AP2M1: variants seen among roughly 807,000 people sequenced by gnomAD.
AP2M1 encodes the protein AP-2 complex subunit mu.
In AP2M1, 5 loss-of-function variants were observed where a neutral mutation model predicts 54.5. That is an observed-to-expected ratio of 0.09 (90% confidence interval 0.05 to 0.19). The LOEUF is 0.19. Ranked by LOEUF, AP2M1 falls within the 10% of genes least tolerant of loss-of-function variation. AP2M1 has a pLI of 1.00. For synonymous variants in AP2M1, 186 were observed against 208.2 expected, an observed-to-expected ratio of 0.89 and a Z score of 0.92; for missense variants, 178 against 580.2, an observed-to-expected ratio of 0.31 and a Z score of 7.12.
At position 184,181,550 on chromosome 3, in the gene AP2M1, A is replaced by G; in HGVS notation, c.708-146A>G. 1 of 1,178,380 alleles carries G rather than the reference A, an allele frequency of 8.5e-7. No homozygotes were observed. Among genetic ancestry groups the G allele is most frequent in the Non-Finnish European group, 1.2e-6 (1 of 840,652 alleles). The allele number at this position is 1,178,380 out of a possible 1,614,324, so 73.0% of individuals were successfully genotyped here. A position where few individuals can be genotyped will look rare whatever the true frequency, so the allele number is the denominator to read the frequency against. ...GCTTGCAAGGCTTCCCTCTCATCCC[A>G]AGCTCTGGGGCAGACCTCCGAGTCA... is the stretch of plus-strand genomic sequence containing the variant. On this transcript the variant is annotated intron_variant, in intron 7 of 11. Coordinates refer to ENST00000292807, the MANE Select transcript of AP2M1 (RefSeq NM_004068.4). The surrounding 1 kb of genome is among the most constrained non-coding windows in gnomAD (Gnocchi z 5.7).
rs540700721 is a variant in AP2M1 at position 184,175,957 on chromosome 3, T to A, written c.-43-994T>A. Among the ~76,000 whole-genome samples the A allele has an allele frequency of 8.5e-5, 13 of 152,302 alleles. No individual in the cohort carries two copies. The East Asian group carries it at 2.5e-3, about 29-fold the overall frequency. ...AGTTTAGAAAAGTCCTCTAAAGTACTCCCTGTGAAATTAATACCAGGGCTA... is the reference window on the plus strand; with the variant it reads ...AGTTTAGAAAAGTCCTCTAAAGTACACCCTGTGAAATTAATACCAGGGCTA... On this transcript the variant is annotated intron_variant, in intron 1 of 11. Transcript: ENST00000292807.
chr3:184,179,230 T>C (rs1715189795), intron 3 of AP2M1, 108 bp downstream of exon 3: 5 of 1,390,178 alleles, frequency 3.6e-6, no homozygotes, highest in Admixed American at 2.1e-5. Context: ...CTCTGAACTT[T>C]CTTTCCTGAG....
At chr3:184,176,889 T>C in intron 1 of AP2M1, 62 bp from the exon 2 acceptor site, 4 of 1,215,338 alleles carry the variant, frequency 3.3e-6, no homozygotes, top group Non-Finnish European at 4.6e-6. Flanking sequence ...CCTGCACAGC[T>C]CCACAGGGGA....
In AP2M1 at chr3:184,178,158, T is replaced by C. The variant is rs574140827; in HGVS notation, c.75-699T>C. ...TGTGTCTAACCCTCTCTCTCGTTGCTATCACTCTCCTCTTCTTGCTGGCGT... is the reference window on the plus strand; with the variant it reads ...TGTGTCTAACCCTCTCTCTCGTTGCCATCACTCTCCTCTTCTTGCTGGCGT... On this transcript the variant is annotated intron_variant, in intron 2 of 11. Coordinates refer to ENST00000292807, the MANE Select transcript of AP2M1 (RefSeq NM_004068.4). The surrounding 1 kb of genome is among the most constrained non-coding windows in gnomAD (Gnocchi z 4.9). The C allele has an allele frequency of 1.3e-6, 2 of 1,515,402 alleles. No individual in the cohort carries two copies. The highest frequency in any genetic ancestry group is 2.8e-5 in the African/African-American group (2 of 72,640). 93.9% of individuals were successfully genotyped at this position (1,515,402 alleles called of 1,614,324 possible).
At position 184,181,617 on chromosome 3, in the gene AP2M1, G is replaced by A. The variant is rs1577060034; in HGVS notation, c.708-79G>A. Reference sequence around the variant, plus strand: ...CAGCTTTTCATAGTCTCTGGTGCCAGCCTGGGGTGGAGTGGTCTCCCAGCA... The same window carrying A: ...CAGCTTTTCATAGTCTCTGGTGCCAACCTGGGGTGGAGTGGTCTCCCAGCA... On this transcript the variant is annotated intron_variant, in intron 7 of 11. Coordinates refer to ENST00000292807, the MANE Select transcript of AP2M1 (RefSeq NM_004068.4). This position sits in a 1 kb window ranked among gnomAD's most constrained non-coding sequence, Gnocchi z 5.7. 2 of 1,562,416 alleles carry A rather than the reference G, an allele frequency of 1.3e-6. No homozygotes were observed. Among genetic ancestry groups the A allele is most frequent in the South Asian group, 2.2e-5 (2 of 89,522 alleles).
rs745404704 is a variant in AP2M1 at position 184,183,698 on chromosome 3, G to C, written c.*82G>C. On this transcript the variant is annotated 3_prime_UTR_variant, in exon 12 of 12. Coordinates refer to ENST00000292807, the MANE Select transcript of AP2M1 (RefSeq NM_004068.4). The surrounding 1 kb of genome is among the most constrained non-coding windows in gnomAD (Gnocchi z 5.7). ...CCGCTCCCTCCCCCACCACACATCAGTGTCTCCTCCCTCCTGCTTTGCTGC... is the reference window on the plus strand; with the variant it reads ...CCGCTCCCTCCCCCACCACACATCACTGTCTCCTCCCTCCTGCTTTGCTGC... 45 of 1,479,832 alleles carry C rather than the reference G, an allele frequency of 3.0e-5. No homozygotes were observed. Among genetic ancestry groups the C allele is most frequent in the Non-Finnish European group, 4.2e-5 (45 of 1,079,006 alleles). The allele number at this position is 1,479,832 out of a possible 1,614,324, so 91.7% of individuals were successfully genotyped here.
In AP2M1 at chr3:184,178,464, G is replaced by A. The variant is rs1715161362; in HGVS notation, c.75-393G>A. 6.6e-6 allele frequency among the ~76,000 whole-genome samples: 1 copy of A among 152,224 alleles called. No homozygotes were observed. The stretch of plus-strand genomic sequence containing the variant: ...CCACTGGTGGGATCACTAGCGGGAG[G>A]ACTGAAGAAGCAGTGTCTCTTTCTG... On this transcript the variant is annotated intron_variant, in intron 2 of 11. Transcript: ENST00000292807. This position sits in a 1 kb window ranked among gnomAD's most constrained non-coding sequence, Gnocchi z 4.9.
In AP2M1 at chr3:184,182,647, G is replaced by C; in HGVS notation, c.1062-110G>C. 1.1e-6 allele frequency: 1 copy of C among 876,808 alleles called. No homozygotes were observed. The highest frequency in any genetic ancestry group is 1.6e-5 in the South Asian group (1 of 61,660). The allele number at this position is 876,808 out of a possible 1,614,324, so 54.3% of individuals were successfully genotyped here. On this transcript the variant is annotated intron_variant, in intron 10 of 11. Transcript: ENST00000292807. This position sits in a 1 kb window ranked among gnomAD's most constrained non-coding sequence, Gnocchi z 5.5. ...AGCAGGGTCCTGACCACTTCTCCTT[G>C]TTCTGGCACCTCCTGCAAGCTCCTG...
Position 184,178,134 on chromosome 3 carries a change from G to A in AP2M1, c.75-723G>A, listed in dbSNP as rs1337760174. ...GTGTGCCGCCCTCCCGGTGTGTTGT[G>A]TGTCTAACCCTCTCTCTCGTTGCTA... On this transcript the variant is annotated intron_variant, in intron 2 of 11. Coordinates refer to ENST00000292807, the MANE Select transcript of AP2M1 (RefSeq NM_004068.4). The surrounding 1 kb of genome is among the most constrained non-coding windows in gnomAD (Gnocchi z 4.9). 5 of 1,457,026 alleles carry A rather than the reference G, an allele frequency of 3.4e-6. No individual in the cohort carries two copies. The African/African-American group carries it at 5.6e-5, about 16-fold the overall frequency. The allele number at this position is 1,457,026 out of a possible 1,614,324, so 90.3% of individuals were successfully genotyped here.
intron 1 of AP2M1, chr3:184,175,176 G>A (rs930723433): frequency 2.0e-5 from 8 of 392,718 alleles, no homozygotes; most frequent in Non-Finnish European, 3.6e-5. Flanking sequence ...CACCTGACCC[G>A]CCTGGCGCCT....
Position 184,183,420 on chromosome 3 carries a change from C to G in AP2M1, c.1174-62C>G, listed in dbSNP as rs1715338626. 2 of 1,601,816 alleles carry G rather than the reference C, an allele frequency of 1.2e-6. No individual in the cohort carries two copies. Among genetic ancestry groups the G allele is most frequent in the African/African-American group, 2.7e-5 (2 of 74,544 alleles). ...GATGAAGTAGGGCAGGGCAACGGGA[C>G]TTCCCAGAGGAGAGCGGCTGTAAGA... On this transcript the variant is annotated intron_variant, in intron 11 of 11. Coordinates refer to ENST00000292807, the MANE Select transcript of AP2M1 (RefSeq NM_004068.4). This position sits in a 1 kb window ranked among gnomAD's most constrained non-coding sequence, Gnocchi z 5.7.
Position 184,176,941 on chromosome 3 carries a change from C to G in AP2M1, c.-43-10C>G. Reference sequence around the variant, plus strand: ...GAGGTCTTCTTTTACCCTGCCCCCGCCTGTCCTAGGTCTGTTCTCAGAGCG... The same window carrying G: ...GAGGTCTTCTTTTACCCTGCCCCCGGCTGTCCTAGGTCTGTTCTCAGAGCG... On this transcript the variant is annotated splice_polypyrimidine_tract_variant and intron_variant, in intron 1 of 11. Coordinates refer to ENST00000292807, the MANE Select transcript of AP2M1 (RefSeq NM_004068.4). The G allele has an allele frequency of 6.3e-7, 1 of 1,589,292 alleles. No homozygotes were observed. Among genetic ancestry groups the G allele is most frequent in the Non-Finnish European group, 8.6e-7 (1 of 1,163,248 alleles).
At position 184,177,794 on chromosome 3, in the gene AP2M1, A is replaced by G. The variant is rs562940330; in HGVS notation, c.74+727A>G. On this transcript the variant is annotated intron_variant, in intron 2 of 11. Coordinates refer to ENST00000292807, the MANE Select transcript of AP2M1 (RefSeq NM_004068.4). ...GACCTATCCTAGCCTCCGAGGCGCT[A>G]AAGAGTAGGCTCCTCTGGTTCCTGC... The G allele has an allele frequency of 4.8e-6, 3 of 618,712 alleles. No individual in the cohort carries two copies. The East Asian group carries it at 8.3e-5, about 17-fold the overall frequency. 38.3% of individuals were successfully genotyped at this position (618,712 alleles called of 1,614,324 possible). A position where few individuals can be genotyped will look rare whatever the true frequency, so the allele number is the denominator to read the frequency against.
Position 184,183,753 on chromosome 3 carries a change from C to A in AP2M1, c.*137C>A. On this transcript the variant is annotated 3_prime_UTR_variant, in exon 12 of 12. Transcript: ENST00000292807. The surrounding 1 kb of genome is among the most constrained non-coding windows in gnomAD (Gnocchi z 5.7). ...CCTTTGCACCAGCCCGAGTCTAGGT[C>A]TGGGCCAAGCACATTACAAGTGGGA... 1 of 1,067,268 alleles carries A rather than the reference C, an allele frequency of 9.4e-7. No homozygotes were observed. Among genetic ancestry groups the A allele is most frequent in the Non-Finnish European group, 1.3e-6 (1 of 748,970 alleles). 66.1% of individuals were successfully genotyped at this position (1,067,268 alleles called of 1,614,324 possible).
In AP2M1 at chr3:184,178,614, A is replaced by G. The variant is rs1715166321; in HGVS notation, c.75-243A>G. ...CTTTATTAAGGTTACATCAGCCTTA[A>G]TAGTTGACTTCCCTATTTCTTGTGG... On this transcript the variant is annotated intron_variant, in intron 2 of 11. Coordinates refer to ENST00000292807, the MANE Select transcript of AP2M1 (RefSeq NM_004068.4). The surrounding 1 kb of genome is among the most constrained non-coding windows in gnomAD (Gnocchi z 4.9). 6.6e-6 allele frequency among the ~76,000 whole-genome samples: 1 copy of G among 152,230 alleles called. No homozygotes were observed. Among genetic ancestry groups the G allele is most frequent in the African/African-American group, 2.4e-5 (1 of 41,456 alleles).
rs200480410 is a variant in AP2M1, at chr3:184,179,422, G to A, written c.340+300G>A. 5.3e-4 allele frequency: 201 copies of A among 382,212 alleles called. 1 individual carries two copies. Among genetic ancestry groups the A allele is most frequent in the Non-Finnish European group, 8.3e-4 (170 of 205,886 alleles). 23.7% of individuals were successfully genotyped at this position (382,212 alleles called of 1,614,324 possible). Reference sequence around the variant, plus strand: ...ATTCATCCTCTTTCCTTTGTGGCTTGGACCTTAGTTCACTAACTGTCCACC... The same window carrying A: ...ATTCATCCTCTTTCCTTTGTGGCTTAGACCTTAGTTCACTAACTGTCCACC... On this transcript the variant is annotated intron_variant, in intron 3 of 11. Transcript: ENST00000292807.
At position 184,181,632 on chromosome 3, in the gene AP2M1, G is replaced by A. The variant is rs761989264; in HGVS notation, c.708-64G>A. The A allele has an allele frequency of 6.3e-7, 1 of 1,593,196 alleles. No individual in the cohort carries two copies. Among genetic ancestry groups the A allele is most frequent in the Non-Finnish European group, 8.6e-7 (1 of 1,167,188 alleles). ...TCTGGTGCCAGCCTGGGGTGGAGTG[G>A]TCTCCCAGCATGACAGCTGTCATTC... On this transcript the variant is annotated intron_variant, in intron 7 of 11. Coordinates refer to ENST00000292807, the MANE Select transcript of AP2M1 (RefSeq NM_004068.4). This position sits in a 1 kb window ranked among gnomAD's most constrained non-coding sequence, Gnocchi z 5.7.
At position 184,183,321 on chromosome 3, in the gene AP2M1, T is replaced by G. The variant is rs1411043489; in HGVS notation, c.1174-161T>G. The stretch of plus-strand genomic sequence containing the variant: ...GTGTCACAGGTAGGGCTTTCTTCTT[T>G]AGTCACCTCTTAGAAGGTCCCACGC... On this transcript the variant is annotated intron_variant, in intron 11 of 11. Transcript: ENST00000292807. This position sits in a 1 kb window ranked among gnomAD's most constrained non-coding sequence, Gnocchi z 5.7. 2 of 1,023,526 alleles carry G rather than the reference T, an allele frequency of 2.0e-6. No individual in the cohort carries two copies. Among genetic ancestry groups the G allele is most frequent in the Non-Finnish European group, 2.9e-6 (2 of 700,974 alleles). 63.4% of individuals were successfully genotyped at this position (1,023,526 alleles called of 1,614,324 possible).
chr3:184,178,918 C>T lies in AP2M1; in HGVS notation c.136C>T (p.Pro46Ser). ...VIHARQQVRS[P>S]VTNIARTSFF... Reference sequence around the variant, plus strand: ...CCATGCCCGGCAGCAGGTGCGCAGCCCCGTCACCAACATTGCTCGCACCAG... The same window carrying T: ...CCATGCCCGGCAGCAGGTGCGCAGCTCCGTCACCAACATTGCTCGCACCAG... The change falls in exon 3 of 12, where the codon CCC (proline) becomes TCC (serine). Residue 46 changes from proline (P) to serine (S), a missense_variant. Physicochemically the swap from Pro to Ser is moderately conservative, Grantham distance 74 (BLOSUM62 -1). Around this residue, in one of 5 missense-constraint regions of AP2M1, gnomAD observed 115 missense variants for 331.2 expected, o/e 0.35. Coordinates refer to ENST00000292807, the MANE Select transcript of AP2M1 (RefSeq NM_004068.4). This position sits in a 1 kb window ranked among gnomAD's most constrained non-coding sequence, Gnocchi z 4.9. 1 of 1,614,130 alleles carries T rather than the reference C, an allele frequency of 6.2e-7. No homozygotes were observed. The highest frequency in any genetic ancestry group is 8.5e-7 in the Non-Finnish European group (1 of 1,180,024).
Sources: allele counts gnomAD v4.1 joint callset (sites outside exome capture counted in the v4.1 genomes callset), GRCh38; gene constraint gnomAD v4.1.1; regional missense constraint gnomAD v4.1.1; non-coding constraint Gnocchi (gnomAD v3.1); transcripts MANE v1.5; gene names NCBI Gene and HGNC (gene_info 2026-07-23, HGNC 2026-07-21).